AKAP8L: variants seen among roughly 807,000 people sequenced by gnomAD.
The protein encoded by AKAP8L is A-kinase anchoring protein 8 like, also known as A-kinase anchor protein 8-like.
In AKAP8L, 34 loss-of-function variants were observed where a neutral mutation model predicts 77.5. That is an observed-to-expected ratio of 0.44 (90% confidence interval 0.33 to 0.58). The LOEUF (loss-of-function observed/expected upper bound fraction) is 0.58. AKAP8L is among the 20% of genes least tolerant of loss of function. The pLI is 0.02. For missense variants in AKAP8L, 806 were observed against 887.6 expected, an observed-to-expected ratio of 0.91 and a Z score of 1.17; for synonymous variants, 342 against 340.7, an observed-to-expected ratio of 1.00 and a Z score of -0.04.
In AKAP8L at chr19:15,400,954, T is replaced by A. The variant is rs536454352; in HGVS notation, c.906A>T (p.Ser302=). The change falls in exon 6 of 14, where the codon TCA becomes TCT. Residue 302 remains serine (S), a synonymous_variant. Transcript: ENST00000397410. The part of the protein sequence containing the change: ...TRTDCSDNSD[S]DNDEGTEGEA... The stretch of plus-strand genomic sequence containing the variant: ...ACCACCTAGTGGGCTCACCATTGTC[T>A]GAGTCGCTGTTGTCCGAGCAGTCCG... The A allele has an allele frequency of 3.1e-6, 5 of 1,613,856 alleles. No homozygotes were observed. Among genetic ancestry groups the A allele is most frequent in the Non-Finnish European group, 4.2e-6 (5 of 1,179,894 alleles).
intron 1 of AKAP8L, among the ~76,000 whole-genome samples, chr19:15,412,330 G>A (rs529192952): frequency 6.6e-6 from 1 of 152,232 alleles, no homozygotes; most frequent in African/African-American, 2.4e-5. Context: ...TGCAGTGAGT[G>A]GAGATCGTGC....
Position 15,401,290 on chromosome 19 carries a change from T to C in AKAP8L, c.676A>G (p.Ile226Val), listed in dbSNP as rs776777192. 6.2e-7 allele frequency: 1 copy of C among 1,613,688 alleles called. No individual in the cohort carries two copies. The highest frequency in any genetic ancestry group is 8.5e-7 in the Non-Finnish European group (1 of 1,179,884). ...SRLPSLFSQN[I>V]IPEYGMFQGM... Reference sequence around the variant, plus strand: ...TGGAACATGCCGTACTCGGGGATGATGTTCTGGGAGAAGAGGGAGGGCAGC... The same window carrying C: ...TGGAACATGCCGTACTCGGGGATGACGTTCTGGGAGAAGAGGGAGGGCAGC... Residue 226 changes from isoleucine to valine, a missense_variant, in exon 5 of 14, where the codon ATC becomes GTC. Coordinates refer to ENST00000397410, the MANE Select transcript of AKAP8L (RefSeq NM_014371.4). The surrounding 1 kb of genome is among the most constrained non-coding windows in gnomAD (Gnocchi z 6.2).
rs1223111365 is a variant in AKAP8L, at chr19:15,401,680, CA to C, written c.363-78del. Reference sequence around the variant, plus strand: ...TCCAGGCAACTGCTCCTGCCCTCCCCAATCTCCCAGTCCAGCACCCACCCTG... The same window carrying C: ...TCCAGGCAACTGCTCCTGCCCTCCCCATCTCCCAGTCCAGCACCCACCCTG... On this transcript the variant is annotated intron_variant, in intron 4 of 13. Transcript: ENST00000397410. This position sits in a 1 kb window ranked among gnomAD's most constrained non-coding sequence, Gnocchi z 6.2. 3 of 1,211,518 alleles carry C rather than the reference CA, an allele frequency of 2.5e-6. No homozygotes were observed. The African/African-American group carries it at 4.5e-5, about 18-fold the overall frequency. The allele number at this position is 1,211,518 out of a possible 1,614,324, so 75.0% of individuals were successfully genotyped here.
At chr19:15,389,882 C>T (rs1048621864) in intron 12 of AKAP8L, among the ~76,000 whole-genome samples, 9 of 149,826 alleles carry the variant, frequency 6.0e-5, no homozygotes, top group African/African-American at 2.2e-4. Flanking sequence ...TTGAAAGCAG[C>T]AAGACAAAAC....
Position 15,397,451 on chromosome 19 carries a change from C to T in AKAP8L, c.1405+69G>A, listed in dbSNP as rs1967799293. On this transcript the variant is annotated intron_variant, in intron 11 of 13. Transcript: ENST00000397410. This position sits in a 1 kb window ranked among gnomAD's most constrained non-coding sequence, Gnocchi z 4.7. ...CTGGGGGAACAGAAGGGTGTCCTGA[C>T]CCTGCACCGAAAATCAGGAGTGCAG... 3.3e-6 allele frequency: 5 copies of T among 1,514,866 alleles called. No individual in the cohort carries two copies. Among genetic ancestry groups the T allele is most frequent in the South Asian group, 1.1e-5 (1 of 87,010 alleles). 93.8% of individuals were successfully genotyped at this position (1,514,866 alleles called of 1,614,324 possible).
chr19:15,400,939 G>A lies in AKAP8L; in HGVS notation c.913+8C>T, dbSNP rs780672464. On this transcript the variant is annotated splice_region_variant and intron_variant, in intron 6 of 13. Transcript: ENST00000397410. ...GGGCAGCCGCCCAGTACCACCTAGT[G>A]GGCTCACCATTGTCTGAGTCGCTGT... The A allele has an allele frequency of 7.4e-6, 12 of 1,613,916 alleles. No homozygotes were observed. The East Asian group carries it at 2.7e-4, about 36-fold the overall frequency.
chr19:15,385,335 C>A (rs933286995), intron 12 of AKAP8L, among the ~76,000 whole-genome samples: 1 of 150,618 alleles, frequency 6.6e-6, no homozygotes, highest in African/African-American at 2.4e-5. Flanking sequence ...GCGCCCGCCA[C>A]CACGTCTGGC....
chr19:15,417,142 T>C (rs1185814700), intron 1 of AKAP8L, among the ~76,000 whole-genome samples: 1 of 152,158 alleles, frequency 6.6e-6, no homozygotes, highest in Admixed American at 6.5e-5. Flanking sequence ...ATTAGTGACC[T>C]TGTATCTCAG....
At chr19:15,394,425 G>C (rs1035302680) in intron 12 of AKAP8L, among the ~76,000 whole-genome samples, 3 of 152,190 alleles carry the variant, frequency 2.0e-5, no homozygotes, top group African/African-American at 4.8e-5. Context: ...CAAGAGGTTG[G>C]GGGGGCTGAT....
At chr19:15,380,755 G>C in intron 12 of AKAP8L, 143 bp from the exon 13 acceptor site, 1 of 663,886 alleles carries the variant, frequency 1.5e-6, no homozygotes, top group Non-Finnish European at 2.7e-6. Context: ...CACTCCACAA[G>C]CATGGAACCA....
intron 1 of AKAP8L, among the ~76,000 whole-genome samples, chr19:15,411,652 A>G (rs1042144246): frequency 6.6e-6 from 1 of 152,124 alleles, no homozygotes; most frequent in African/African-American, 2.4e-5. Flanking sequence ...AAAAACAATT[A>G]TTTCTTAAAA....
intron 1 of AKAP8L, among the ~76,000 whole-genome samples, chr19:15,418,062 G>C (rs1163025616): frequency 6.6e-6 from 1 of 152,300 alleles, no homozygotes; most frequent in Non-Finnish European, 1.5e-5. Flanking sequence ...AAGCTCCCTG[G>C]GCCAGATATC....
intron 7 of AKAP8L, 38 bp downstream of exon 7, chr19:15,400,756 T>A (rs1168849809): frequency 6.2e-7 from 1 of 1,612,390 alleles, no homozygotes; most frequent in Non-Finnish European, 8.5e-7. Flanking sequence ...CAGCTCGCCC[T>A]GCCTGCAGAC....
intron 12 of AKAP8L, among the ~76,000 whole-genome samples, chr19:15,395,383 T>C (rs1027951837): frequency 6.6e-6 from 1 of 151,896 alleles, no homozygotes; most frequent in African/African-American, 2.4e-5. Context: ...TGGCGCAATC[T>C]CGGCTCACTG....
At chr19:15,381,890 C>A (rs2145099548) in intron 12 of AKAP8L, 1 of 152,364 alleles carries the variant, frequency 6.6e-6, no homozygotes, top group Middle Eastern at 3.4e-3. Context: ...CACTTCCATG[C>A]TGGTGCTTTT....
chr19:15,401,367 A>G lies in AKAP8L; in HGVS notation c.599T>C (p.Met200Thr). ...CCGGGCCCCCATGGGGTCTTCCCAC[A>G]TGCGCCCATAGCCTGAGGCCATTGG... ...GRPMASGYGRMWEDPMGARGQ... is the reference protein window; with the variant it reads ...GRPMASGYGRTWEDPMGARGQ... The change falls in exon 5 of 14, where the codon ATG becomes ACG. Residue 200 changes from methionine (M) to threonine (T), a missense_variant. Physicochemically the swap from Met to Thr is moderately conservative, Grantham distance 81. Coordinates refer to ENST00000397410, the MANE Select transcript of AKAP8L (RefSeq NM_014371.4). This position sits in a 1 kb window ranked among gnomAD's most constrained non-coding sequence, Gnocchi z 6.2. 4.3e-6 allele frequency: 7 copies of G among 1,613,292 alleles called. No individual in the cohort carries two copies. The highest frequency in any genetic ancestry group is 5.9e-6 in the Non-Finnish European group (7 of 1,179,824).
chr19:15,381,008 T>C lies in AKAP8L; in HGVS notation c.1537-396A>G, dbSNP rs74980047. The C allele has an allele frequency of 8.6e-4, 156 of 181,674 alleles. 3 individuals are homozygous for C. In the East Asian group the frequency reaches 0.022, roughly 25 times the overall value. 11.3% of individuals were successfully genotyped at this position (181,674 alleles called of 1,614,324 possible). A position where few individuals can be genotyped will look rare whatever the true frequency, so the allele number is the denominator to read the frequency against. ...CACTTTGGGGCCAACGGGGAAGATATAAAAACAGGAACAGATATTTAATGA... is the reference window on the plus strand; with the variant it reads ...CACTTTGGGGCCAACGGGGAAGATACAAAAACAGGAACAGATATTTAATGA... On this transcript the variant is annotated intron_variant, in intron 12 of 13. Coordinates refer to ENST00000397410, the MANE Select transcript of AKAP8L (RefSeq NM_014371.4).
At chr19:15,412,573 G>A (rs1968125496) in intron 1 of AKAP8L, among the ~76,000 whole-genome samples, 1 of 152,026 alleles carries the variant, frequency 6.6e-6, no homozygotes, top group Non-Finnish European at 1.5e-5. Context: ...TTTTGAGACG[G>A]AGTCTCGCAC....
chr19:15,396,038 G>A (rs918256095), intron 12 of AKAP8L, among the ~76,000 whole-genome samples: 5 of 140,800 alleles, frequency 3.6e-5, no homozygotes, highest in African/African-American at 1.3e-4. Flanking sequence ...AAGCTTCTCT[G>A]TTGCCAAAGC....
Sources: allele counts gnomAD v4.1 joint callset (sites outside exome capture counted in the v4.1 genomes callset), GRCh38; gene constraint gnomAD v4.1.1; non-coding constraint Gnocchi (gnomAD v3.1); transcripts MANE v1.5; gene names NCBI Gene and HGNC (gene_info 2026-07-23, HGNC 2026-07-21).